Variants in STXBP4 observed in about 807,000 individuals in gnomAD.
The protein encoded by STXBP4 is syntaxin binding protein 4.
A neutral mutation model predicts 76.1 loss-of-function variants in STXBP4; 55 were observed. The observed-to-expected ratio is 0.72, with a 90% CI of 0.58 to 0.91. The LOEUF (loss-of-function observed/expected upper bound fraction) is 0.91, where lower values mean the gene tolerates loss of function less well. Ranked by LOEUF, STXBP4 falls within the 40% of genes least tolerant of loss-of-function variation. The probability of loss-of-function intolerance (pLI) is 0.00; values close to 1 mark genes in which losing one functional copy is unlikely to be tolerated. For missense variants in STXBP4, 618 were observed against 636.9 expected (o/e 0.97, Z 0.32); for synonymous variants, 201 against 220.2 (o/e 0.91, Z 0.77).
At chr17:55,058,062 A>G (rs1359716965) in intron 12 of STXBP4, among the ~76,000 whole-genome samples, 1 of 152,178 alleles carries the variant, frequency 6.6e-6, no homozygotes, top group African/African-American at 2.4e-5. Flanking sequence ...TCCTTTGGGT[A>G]TATACCCAGT....
chr17:55,095,526 G>A (rs1270358474), intron 16 of STXBP4, among the ~76,000 whole-genome samples: 1 of 152,158 alleles, frequency 6.6e-6, no homozygotes. Context: ...AATGTGTGCA[G>A]TAACAGTCTT....
At chr17:55,159,176 A>T (rs1008057642) in intron 17 of STXBP4, among the ~76,000 whole-genome samples, 1 of 152,122 alleles carries the variant, frequency 6.6e-6, no homozygotes, top group Admixed American at 6.6e-5. Context: ...ACCCCAGGGG[A>T]CAGAGGTTAC....
intron 16 of STXBP4, among the ~76,000 whole-genome samples, chr17:55,097,852 A>G (rs1418476246): frequency 6.6e-6 from 1 of 152,206 alleles, no homozygotes; most frequent in East Asian, 1.9e-4. Flanking sequence ...TGAGAATTCT[A>G]TAAGCTGGCT....
At chr17:55,027,325 TC>T (rs1409193094) in intron 8 of STXBP4, among the ~76,000 whole-genome samples, 1 of 152,118 alleles carries the variant, frequency 6.6e-6, no homozygotes, top group Non-Finnish European at 1.5e-5. Flanking sequence ...CTATGGCCCT[TC>T]CTATCGCCCA....
chr17:54,973,322 CAAAAACACTG>C (rs1406168619), intron 1 of STXBP4, among the ~76,000 whole-genome samples: 1 of 152,184 alleles, frequency 6.6e-6, no homozygotes, highest in Non-Finnish European at 1.5e-5. Context: ...AAAACAACAA[CAAAAACACTG>C]AAGCCTTTCT....
intron 12 of STXBP4, among the ~76,000 whole-genome samples, chr17:55,065,763 A>G (rs986934618): frequency 2.0e-5 from 3 of 152,164 alleles, no homozygotes; most frequent in Admixed American, 6.5e-5. Context: ...ATGTATTTTT[A>G]TATCTGTCCT....
In STXBP4 at chr17:55,159,783, T is replaced by A. The variant is rs1315970735; in HGVS notation, c.1548-14T>A. ...AGTCTTTCAGATTCTAATTGCATTC[T>A]TGTTCTTCTCAAGTCATGTAACACA... On this transcript the variant is annotated splice_polypyrimidine_tract_variant and intron_variant, in intron 17 of 17. Coordinates refer to ENST00000376352, the MANE Select transcript of STXBP4 (RefSeq NM_178509.6). The A allele has an allele frequency of 1.1e-5, 17 of 1,542,978 alleles. No individual in the cohort carries two copies. The highest frequency in any genetic ancestry group is 1.4e-5 in the Non-Finnish European group (16 of 1,116,396).
chr17:55,031,563 TAC>T lies in STXBP4; in HGVS notation c.763+301_763+302del, dbSNP rs111252410. ...GCTTTAGTAATAACAAAAGAAACAG[TAC>T]AAAATATGGAAGTTCTAATTTCACT... On this transcript the variant is annotated intron_variant, in intron 9 of 17. Transcript: ENST00000376352. Among the ~76,000 whole-genome samples, 44 of 152,264 alleles carry T rather than the reference TAC, an allele frequency of 2.9e-4. 1 individual carries two copies. Among genetic ancestry groups the T allele is most frequent in the Middle Eastern group, 6.8e-3 (2 of 294 alleles).
intron 16 of STXBP4, among the ~76,000 whole-genome samples, chr17:55,136,057 G>A (rs1033329707): frequency 6.6e-6 from 1 of 152,078 alleles, no homozygotes; most frequent in South Asian, 2.1e-4. Context: ...TTTCGTCTCT[G>A]CAAAATGAGG....
At chr17:55,184,431 T>G in the STXBP4 span, among the ~76,000 whole-genome samples, 1 of 152,158 alleles carries the variant, frequency 6.6e-6, no homozygotes, top group East Asian at 1.9e-4. Flanking sequence ...ACAGGAGAAA[T>G]AGAACTTTCT....
intron 16 of STXBP4, 28 bp downstream of exon 16, chr17:55,081,211 T>C (rs1226668580): frequency 7.2e-7 from 1 of 1,385,302 alleles, no homozygotes; most frequent in South Asian, 1.7e-5. Context: ...TTTCACTTTT[T>C]AAAAGTAATT....
Position 55,096,566 on chromosome 17 carries a change from T to C in STXBP4, c.1489+15383T>C, listed in dbSNP as rs372690244. Among the ~76,000 whole-genome samples, 7 of 152,070 alleles carry C rather than the reference T, an allele frequency of 4.6e-5. No individual in the cohort carries two copies. In the South Asian group the frequency reaches 1.2e-3, roughly 27 times the overall value. ...TGATAACATTGATTTTCTCAGGAGA[T>C]AGGATTGGGAGATTATCTGTTTTTT... On this transcript the variant is annotated intron_variant, in intron 16 of 17. Coordinates refer to ENST00000376352, the MANE Select transcript of STXBP4 (RefSeq NM_178509.6).
Position 55,157,473 on chromosome 17 carries a change from A to G in STXBP4, c.1548-2324A>G, listed in dbSNP as rs180785718. On this transcript the variant is annotated intron_variant, in intron 17 of 17. Transcript: ENST00000376352. ...TACTTTAGTAAATTTAGCCTCCATA[A>G]TAAGAAATTCCATTAAACCATTTTA... 4.0e-3 allele frequency among the ~76,000 whole-genome samples: 604 copies of G among 152,332 alleles called. 5 individuals carry two copies. The highest frequency in any genetic ancestry group is 0.013 in the Admixed American group (197 of 15,290).
At chr17:55,142,168 A>G (rs1273435064) in intron 17 of STXBP4, among the ~76,000 whole-genome samples, 1 of 152,214 alleles carries the variant, frequency 6.6e-6, no homozygotes, top group Non-Finnish European at 1.5e-5. Flanking sequence ...CTGAACAGGA[A>G]TACATTTCCT....
chr17:55,046,952 A>G, intron 11 of STXBP4, 137 bp from the exon 12 acceptor site: 1 of 539,092 alleles, frequency 1.9e-6, no homozygotes, highest in Non-Finnish European at 3.4e-6. Flanking sequence ...GTAAAGCCAG[A>G]AAAATGACTA....
rs556945590 is a variant in STXBP4, at chr17:55,033,866, G to T, written c.764-302G>T. 9.5e-4 allele frequency among the ~76,000 whole-genome samples: 144 copies of T among 152,230 alleles called. 1 individual carries two copies. Among genetic ancestry groups the T allele is most frequent in the African/African-American group, 3.4e-3 (142 of 41,552 alleles). ...TAGAAAAGCCATAAATCATAATATTGTCAAATGTTTCAGAAAAAGTTCTAC... is the reference window on the plus strand; with the variant it reads ...TAGAAAAGCCATAAATCATAATATTTTCAAATGTTTCAGAAAAAGTTCTAC... On this transcript the variant is annotated intron_variant, in intron 9 of 17. Transcript: ENST00000376352.
chr17:54,973,936 A>G (rs1177307999), intron 1 of STXBP4, among the ~76,000 whole-genome samples: 2 of 152,212 alleles, frequency 1.3e-5, no homozygotes, highest in African/African-American at 4.8e-5. Flanking sequence ...TATTAGGTAA[A>G]GTAAGTTATA....
chr17:55,156,766 A>G (rs2080282212), intron 17 of STXBP4, among the ~76,000 whole-genome samples: 1 of 152,174 alleles, frequency 6.6e-6, no homozygotes, highest in African/African-American at 2.4e-5. Context: ...AAAAAATCAT[A>G]TTGTGAATAT....
chr17:55,003,907 C>A (rs1042212793), intron 7 of STXBP4, among the ~76,000 whole-genome samples: 2 of 151,966 alleles, frequency 1.3e-5, no homozygotes, highest in Admixed American at 1.3e-4. Context: ...TGCGGTGGCT[C>A]ACATCTGTAA....
Sources: gnomAD v4.1 joint callset for allele counts (sites outside exome capture counted in the v4.1 genomes callset) on GRCh38, gnomAD v4.1.1 for gene constraint, MANE v1.5 for transcripts, NCBI Gene and HGNC (gene_info 2026-07-23, HGNC 2026-07-21) for gene names.